C10orf67: variants seen among roughly 807,000 people sequenced by gnomAD.
C10orf67 encodes the protein chromosome 10 open reading frame 67, also known as uncharacterized protein C10orf67, mitochondrial.
In C10orf67, 60 loss-of-function variants were observed where a neutral mutation model predicts 35.6. That is an observed-to-expected ratio of 1.68 (90% CI 1.37 to 2.09). The LOEUF is 2.09. C10orf67 is among the 30% of genes most tolerant of loss of function. The probability of loss-of-function intolerance (pLI) is 0.00; values close to 1 mark genes in which losing one functional copy is unlikely to be tolerated. For missense variants in C10orf67, 474 were observed against 330.2 expected (o/e 1.44, Z -3.38); for synonymous variants, 167 against 115.8 (o/e 1.44, Z -2.84).
intron 10 of C10orf67, among the ~76,000 whole-genome samples, chr10:23,251,419 G>T (rs1194578060): frequency 6.6e-6 from 1 of 152,080 alleles, no homozygotes; most frequent in Admixed American, 6.6e-5. Context: ...CTCAAGAAAG[G>T]ATCTACCAAC....
Position 23,250,455 on chromosome 10 carries a change from C to T in C10orf67, c.1346G>A (p.Ser449Asn), listed in dbSNP as rs1842417693. Residue 449 changes from serine (S) to asparagine (N), a missense_variant and splice_region_variant, in exon 12 of 16, where the codon AGC (serine) becomes AAC (asparagine). By Grantham distance (46) the Ser-to-Asn change is conservative (BLOSUM62 1). Transcript: ENST00000636213. ...AGAATTTGTATATTTCACACCATACCTGTTCCTGAGAATAAAGAATCTCTT... is the reference window on the plus strand; with the variant it reads ...AGAATTTGTATATTTCACACCATACTTGTTCCTGAGAATAAAGAATCTCTT... ...WEKRFFILRNSFHVLKNEMFT... is the reference protein window; with the variant it reads ...WEKRFFILRNNFHVLKNEMFT... 2.5e-6 allele frequency: 1 copy of T among 398,450 alleles called. No homozygotes were observed. The highest frequency in any genetic ancestry group is 1.3e-4 in the South Asian group (1 of 7,834). 24.7% of individuals were successfully genotyped at this position (398,450 alleles called of 1,614,324 possible). A position where few individuals can be genotyped will look rare whatever the true frequency, so the allele number is the denominator to read the frequency against.
chr10:23,254,216 G>GT lies in C10orf67; in HGVS notation c.1201-3526dup, dbSNP rs1267668212. On this transcript the variant is annotated intron_variant, in intron 10 of 15. Transcript: ENST00000636213. ...CATACTGTAATTTAACAAAATGTGT[G>GT]TTTTTTTTGAGACAGAGTTTCACTC... Among the ~76,000 whole-genome samples, 9 of 152,070 alleles carry GT rather than the reference G, an allele frequency of 5.9e-5. No individual in the cohort carries two copies. The East Asian group carries it at 1.2e-3, about 20-fold the overall frequency.
Position 23,236,248 on chromosome 10 carries a change from CGG to C in C10orf67, c.1434+3479_1434+3480del, listed in dbSNP as rs1213138540. On this transcript the variant is annotated intron_variant, in intron 13 of 15. Coordinates refer to ENST00000636213, the MANE Select transcript of C10orf67 (RefSeq NM_001371909.1). ...TGGGCGACAGAGCGAGACTCCCTCT[CGG>C]GGGAAAAAAAAAAAAAAAAAAAAAA... Among the ~76,000 whole-genome samples the C allele has an allele frequency of 2.8e-3, 249 of 87,886 alleles. 2 individuals are homozygous for C. Among genetic ancestry groups the C allele is most frequent in the African/African-American group, 0.015 (227 of 14,802 alleles). 57.7% of individuals were successfully genotyped at this position (87,886 alleles called of 152,430 possible). A position where few individuals can be genotyped will look rare whatever the true frequency, so the allele number is the denominator to read the frequency against.
chr10:23,320,200 T>C (rs1178561101), intron 4 of C10orf67, among the ~76,000 whole-genome samples: 2 of 152,154 alleles, frequency 1.3e-5, no homozygotes, highest in Non-Finnish European at 2.9e-5. Flanking sequence ...AAAAGAAGTA[T>C]GCAAAAAATT....
chr10:23,243,832 G>A (rs1417822200), intron 12 of C10orf67, among the ~76,000 whole-genome samples: 1 of 152,056 alleles, frequency 6.6e-6, no homozygotes, highest in African/African-American at 2.4e-5. Flanking sequence ...CTGAGCACAA[G>A]AGAATTAAAC....
At chr10:23,255,536 C>T (rs563047352) in intron 10 of C10orf67, among the ~76,000 whole-genome samples, 3 of 152,290 alleles carry the variant, frequency 2.0e-5, no homozygotes, top group East Asian at 3.9e-4. Context: ...GGCTCTAGAA[C>T]ATCCTAGACC....
At chr10:23,286,451 A>G (rs1464441637) in intron 7 of C10orf67, among the ~76,000 whole-genome samples, 2 of 30,442 alleles carry the variant, frequency 6.6e-5, no homozygotes, top group Admixed American at 3.5e-4. Flanking sequence ...AGGTGAGGGG[A>G]GGGGAAGGGA....
At chr10:23,232,959 C>G (rs1841951254) in intron 13 of C10orf67, among the ~76,000 whole-genome samples, 1 of 152,024 alleles carries the variant, frequency 6.6e-6, no homozygotes, top group Non-Finnish European at 1.5e-5. Flanking sequence ...GAGTTCAAGA[C>G]CAGCCTGGGC....
intron 15 of C10orf67, among the ~76,000 whole-genome samples, chr10:23,217,589 G>C (rs993544010): frequency 3.3e-5 from 5 of 152,144 alleles, no homozygotes; most frequent in African/African-American, 1.2e-4. Flanking sequence ...AGGCAGCAAG[G>C]TTTGGGATGA....
At chr10:23,205,353 G>A (rs959823659) in intron 15 of C10orf67, among the ~76,000 whole-genome samples, 5 of 152,200 alleles carry the variant, frequency 3.3e-5, no homozygotes, top group Non-Finnish European at 7.3e-5. Flanking sequence ...CTGCATCCCA[G>A]AAACTCCAGG....
At chr10:23,314,156 C>T (rs1036553972) in intron 4 of C10orf67, among the ~76,000 whole-genome samples, 2 of 151,672 alleles carry the variant, frequency 1.3e-5, no homozygotes, top group African/African-American at 2.4e-5. Context: ...CCACTGCACT[C>T]CAGCCTGGGA....
intron 4 of C10orf67, among the ~76,000 whole-genome samples, chr10:23,310,600 C>T (rs553636395): frequency 6.6e-6 from 1 of 152,266 alleles, no homozygotes; most frequent in African/African-American, 2.4e-5. Flanking sequence ...TGTCACCTCT[C>T]CAGATGGTCC....
At position 23,344,624 on chromosome 10, in the gene C10orf67, G is replaced by C; in HGVS notation, c.151C>G (p.Arg51Gly). ...AATTCCCGAGCTTCTCGCTTCCTAC[G>C]CGCGCAGCAGACCCGCAGCTCGGTG... ...KATELRVCCA[R>G]RKREAREFKP... Residue 51 changes from arginine to glycine, a missense_variant, in exon 1 of 16, where the codon CGT becomes GGT. Physicochemically the swap from Arg to Gly is moderately radical, Grantham distance 125. Transcript: ENST00000636213. 6.3e-7 allele frequency: 1 copy of C among 1,584,650 alleles called. No individual in the cohort carries two copies. Among genetic ancestry groups the C allele is most frequent in the Non-Finnish European group, 8.6e-7 (1 of 1,166,158 alleles).
At chr10:23,268,063 G>C (rs1399166532) in intron 8 of C10orf67, among the ~76,000 whole-genome samples, 3 of 152,100 alleles carry the variant, frequency 2.0e-5, no homozygotes, top group African/African-American at 7.2e-5. Context: ...TGAAGCAGGA[G>C]GATTGCTTGA....
intron 2 of C10orf67, among the ~76,000 whole-genome samples, chr10:23,332,440 TG>T (rs1278634805): frequency 6.6e-6 from 1 of 152,178 alleles, no homozygotes; most frequent in Non-Finnish European, 1.5e-5. Flanking sequence ...CTCAGTACTT[TG>T]GGAGGCTGAG....
chr10:23,340,021 C>T (rs1845821240), intron 1 of C10orf67, among the ~76,000 whole-genome samples: 1 of 152,122 alleles, frequency 6.6e-6, no homozygotes, highest in Admixed American at 6.6e-5. Flanking sequence ...TACTATTCAG[C>T]CACATTTTTC....
At chr10:23,323,604 C>T (rs1318821168) in intron 2 of C10orf67, among the ~76,000 whole-genome samples, 1 of 151,864 alleles carries the variant, frequency 6.6e-6, no homozygotes, top group East Asian at 1.9e-4. Flanking sequence ...CAAATACAGC[C>T]TCAGAGTAGC....
intron 5 of C10orf67, among the ~76,000 whole-genome samples, chr10:23,293,370 C>T (rs900207745): frequency 3.9e-5 from 6 of 152,170 alleles, no homozygotes; most frequent in Admixed American, 6.5e-5. Context: ...ACTATTCAGA[C>T]GCCCACAGCA....
chr10:23,298,379 AGCTATTCCT>A (rs1472945628), intron 5 of C10orf67, among the ~76,000 whole-genome samples: 1 of 152,074 alleles, frequency 6.6e-6, no homozygotes, highest in Non-Finnish European at 1.5e-5. Flanking sequence ...GGACTCCTAG[AGCTATTCCT>A]GTTTTTTCTG....
Sources: allele counts gnomAD v4.1 joint callset (sites outside exome capture counted in the v4.1 genomes callset), GRCh38; gene constraint gnomAD v4.1.1; transcripts MANE v1.5; gene names NCBI Gene and HGNC (gene_info 2026-07-23, HGNC 2026-07-21).